SGMS1: variants seen among roughly 807,000 people sequenced by gnomAD.
SGMS1 encodes phosphatidylcholine:ceramide cholinephosphotransferase 1.
In SGMS1, 13 loss-of-function variants were observed where a neutral mutation model predicts 46.2. That is an observed-to-expected ratio of 0.28 (90% CI 0.18 to 0.45). The LOEUF is 0.45. Among genes scored for constraint, SGMS1 ranks in the 20% least tolerant of loss-of-function variants. The probability of loss-of-function intolerance (pLI) is 1.00; values close to 1 mark genes in which losing one functional copy is unlikely to be tolerated. For missense variants in SGMS1, 324 were observed against 519.9 expected, an observed-to-expected ratio of 0.62 and a Z score of 3.66; for synonymous variants, 203 against 187.8, an observed-to-expected ratio of 1.08 and a Z score of -0.66.
intron 5 of SGMS1, among the ~76,000 whole-genome samples, chr10:50,457,213 A>G (rs1300356010): frequency 1.3e-5 from 2 of 152,204 alleles, no homozygotes; most frequent in Non-Finnish European, 2.9e-5. Context: ...GTAAAAATGG[A>G]TATAAAACAC....
intron 2 of SGMS1, among the ~76,000 whole-genome samples, 193 bp from the exon 3 acceptor site, chr10:50,520,114 G>A (rs1223201986): frequency 6.6e-6 from 1 of 152,144 alleles, no homozygotes; most frequent in East Asian, 1.9e-4. Flanking sequence ...CAGGGGCAGG[G>A]CACAGTGGCT....
chr10:50,507,378 T>C (rs1052230755), intron 3 of SGMS1, among the ~76,000 whole-genome samples: 1 of 152,230 alleles, frequency 6.6e-6, no homozygotes, highest in Non-Finnish European at 1.5e-5. Flanking sequence ...CCCATGCAGC[T>C]CTTCTGAGCG....
chr10:50,353,874 A>G (rs550341668), intron 6 of SGMS1, among the ~76,000 whole-genome samples: 50 of 152,330 alleles, frequency 3.3e-4, no homozygotes, highest in African/African-American at 1.2e-3. Context: ...TAGGAATCCA[A>G]CTTACAAGGG....
At chr10:50,379,022 A>AAGT (rs891114248) in intron 6 of SGMS1, among the ~76,000 whole-genome samples, 1 of 152,216 alleles carries the variant, frequency 6.6e-6, no homozygotes, top group African/African-American at 2.4e-5. Context: ...AATATGCCAA[A>AAGT]AGTATGAAAT....
chr10:50,445,544 A>G lies in SGMS1; in HGVS notation c.-312-11988T>C, dbSNP rs551957336. On this transcript the variant is annotated intron_variant, in intron 5 of 10. Coordinates refer to ENST00000361781, the MANE Select transcript of SGMS1 (RefSeq NM_147156.4). ...ATTTCTTACGCCTGTCTTTACTGCA[A>G]TCTCTGAACATAAATTGTGAAGATT... Among the ~76,000 whole-genome samples the G allele has an allele frequency of 5.2e-4, 79 of 152,278 alleles. 1 individual carries two copies. Among genetic ancestry groups the G allele is most frequent in the South Asian group, 1.2e-3 (6 of 4,828 alleles).
At chr10:50,326,314 G>GAGT (rs1190656944) in intron 8 of SGMS1, among the ~76,000 whole-genome samples, 2 of 152,110 alleles carry the variant, frequency 1.3e-5, no homozygotes, top group African/African-American at 4.8e-5. Flanking sequence ...TAAAAATCCA[G>GAGT]AGTGAATTTT....
At chr10:50,374,808 G>T (rs1017807541) in intron 6 of SGMS1, among the ~76,000 whole-genome samples, 38 of 152,064 alleles carry the variant, frequency 2.5e-4, no homozygotes, top group Admixed American at 2.4e-3. Context: ...GCACTTGAGG[G>T]CCCTTCTTCT....
rs954492933 is a variant in SGMS1 at position 50,469,726 on chromosome 10, T to G, written c.-497-2794A>C. Among the ~76,000 whole-genome samples the G allele has an allele frequency of 9.9e-5, 15 of 152,250 alleles. No homozygotes were observed. The East Asian group carries it at 1.9e-3, about 20-fold the overall frequency. ...AGGTACTCTTCCCCTATTCAATAATTCTGGTATAGCAATACTCGAACTCCT... is the reference window on the plus strand; with the variant it reads ...AGGTACTCTTCCCCTATTCAATAATGCTGGTATAGCAATACTCGAACTCCT... On this transcript the variant is annotated intron_variant, in intron 3 of 10. Coordinates refer to ENST00000361781, the MANE Select transcript of SGMS1 (RefSeq NM_147156.4).
At chr10:50,504,669 A>G (rs367724122) in intron 3 of SGMS1, among the ~76,000 whole-genome samples, 7 of 152,308 alleles carry the variant, frequency 4.6e-5, no homozygotes, top group East Asian at 3.9e-4. Context: ...CACTATATAC[A>G]CAGCCTCCTA....
At chr10:50,597,043 T>C (rs1838601243) in intron 1 of SGMS1, among the ~76,000 whole-genome samples, 1 of 152,194 alleles carries the variant, frequency 6.6e-6, no homozygotes. Context: ...AAAATGAGAT[T>C]AGGTACACAA....
At chr10:50,560,749 T>C (rs1838229772) in intron 2 of SGMS1, among the ~76,000 whole-genome samples, 1 of 151,744 alleles carries the variant, frequency 6.6e-6, no homozygotes, top group African/African-American at 2.4e-5. Flanking sequence ...TTACATAATA[T>C]ATACATAAAC....
rs1838650564 is a variant in SGMS1, at chr10:50,601,595, C to G, written c.-683-11348G>C. Among the ~76,000 whole-genome samples, 3 of 152,166 alleles carry G rather than the reference C, an allele frequency of 2.0e-5. No individual in the cohort carries two copies. The South Asian group carries it at 6.2e-4, about 32-fold the overall frequency. ...AGTGGCTTACCCTAGGCCTTGCAGC[C>G]AATAAAAGAGGAATTAAATTTTAAT... On this transcript the variant is annotated intron_variant, in intron 1 of 10. Coordinates refer to ENST00000361781, the MANE Select transcript of SGMS1 (RefSeq NM_147156.4).
At chr10:50,353,968 A>G (rs1322370317) in intron 6 of SGMS1, among the ~76,000 whole-genome samples, 2 of 152,218 alleles carry the variant, frequency 1.3e-5, no homozygotes, top group Non-Finnish European at 2.9e-5. Flanking sequence ...AGAACATTCC[A>G]TGCTCATGGG....
chr10:50,569,197 A>T (rs1444999493), intron 2 of SGMS1, among the ~76,000 whole-genome samples: 1 of 151,856 alleles, frequency 6.6e-6, no homozygotes, highest in Admixed American at 6.6e-5. Flanking sequence ...GAAATACCTA[A>T]CGTAGATAAC....
chr10:50,425,634 T>G (rs939133868), intron 6 of SGMS1, among the ~76,000 whole-genome samples: 1 of 152,142 alleles, frequency 6.6e-6, no homozygotes, highest in African/African-American at 2.4e-5. Context: ...ACCCACCTAT[T>G]GAGTACTATG....
intron 6 of SGMS1, among the ~76,000 whole-genome samples, chr10:50,403,379 G>A (rs985857907): frequency 2.0e-5 from 3 of 152,160 alleles, no homozygotes; most frequent in Non-Finnish European, 4.4e-5. Context: ...TAGAGGTTAC[G>A]AAGATAAGAA....
chr10:50,491,898 C>A (rs1407906664), intron 3 of SGMS1, among the ~76,000 whole-genome samples: 1 of 152,208 alleles, frequency 6.6e-6, no homozygotes, highest in African/African-American at 2.4e-5. Flanking sequence ...CCCTGACAAA[C>A]ATTGATACAA....
At position 50,570,912 on chromosome 10, in the gene SGMS1, C is replaced by T. The variant is rs187526619; in HGVS notation, c.-589+19241G>A. Among the ~76,000 whole-genome samples the T allele has an allele frequency of 4.1e-3, 557 of 136,460 alleles. 3 individuals are homozygous for T. The highest frequency in any genetic ancestry group is 0.013 in the African/African-American group (536 of 40,428). The allele number at this position is 136,460 out of a possible 152,430, so 89.5% of individuals were successfully genotyped here. Reference sequence around the variant, plus strand: ...ATGATCACACCACTGCACTCCAGCCCGGTCATCAGACAACAGAGAGACCCT... The same window carrying T: ...ATGATCACACCACTGCACTCCAGCCTGGTCATCAGACAACAGAGAGACCCT... On this transcript the variant is annotated intron_variant, in intron 2 of 10. Coordinates refer to ENST00000361781, the MANE Select transcript of SGMS1 (RefSeq NM_147156.4).
At chr10:50,496,779 C>T (rs1180900502) in intron 3 of SGMS1, among the ~76,000 whole-genome samples, 3 of 152,196 alleles carry the variant, frequency 2.0e-5, no homozygotes, top group Non-Finnish European at 4.4e-5. Context: ...TGATCTTAGG[C>T]AAACTGCTTA....
Sources: allele counts gnomAD v4.1 joint callset (sites outside exome capture counted in the v4.1 genomes callset), GRCh38; gene constraint gnomAD v4.1.1; transcripts MANE v1.5; gene names NCBI Gene and HGNC (gene_info 2026-07-23, HGNC 2026-07-21).